IMMP2L: variants seen among roughly 807,000 people sequenced by gnomAD.
IMMP2L encodes inner mitochondrial membrane peptidase subunit 2, also known as mitochondrial inner membrane protease subunit 2.
A neutral mutation model predicts 19.3 loss-of-function variants in IMMP2L; 18 were observed. The observed-to-expected ratio is 0.93, with a 90% CI of 0.64 to 1.38. The LOEUF is 1.38. Among genes scored for constraint, IMMP2L ranks in the 40% most tolerant of loss-of-function variants. The pLI is 0.00. For missense variants in IMMP2L, 233 were observed against 218.2 expected, an observed-to-expected ratio of 1.07 and a Z score of -0.43; for synonymous variants, 76 against 73.0, an observed-to-expected ratio of 1.04 and a Z score of -0.21.
chr7:111,480,597 CAAAAA>C (rs925037556), intron 3 of IMMP2L, among the ~76,000 whole-genome samples: 3 of 55,060 alleles, frequency 5.4e-5, no homozygotes, highest in African/African-American at 9.9e-5. Flanking sequence ...ATTTTACTGT[CAAAAA>C]AAAAAAAAAA....
chr7:111,082,457 A>G (rs1795963260), intron 3 of IMMP2L, among the ~76,000 whole-genome samples: 2 of 152,208 alleles, frequency 1.3e-5, no homozygotes, highest in African/African-American at 4.8e-5. Flanking sequence ...ATTTTCAAGC[A>G]TTTTTTGTTC....
chr7:111,161,271 G>A (rs1010291386), intron 3 of IMMP2L, among the ~76,000 whole-genome samples: 1 of 151,792 alleles, frequency 6.6e-6, no homozygotes, highest in Middle Eastern at 3.4e-3. Flanking sequence ...CGACAAAACA[G>A]AAAATGACAA....
intron 5 of IMMP2L, among the ~76,000 whole-genome samples, chr7:110,846,570 T>G (rs1286379403): frequency 6.6e-6 from 1 of 151,976 alleles, no homozygotes; most frequent in East Asian, 1.9e-4. Context: ...TTTACCTTGT[T>G]GGTCAGGCTG....
intron 3 of IMMP2L, among the ~76,000 whole-genome samples, chr7:111,182,853 C>CT (rs891555163): frequency 6.6e-6 from 1 of 151,924 alleles, no homozygotes; most frequent in African/African-American, 2.4e-5. Context: ...CTCTCAAGTG[C>CT]TTATGTAAAT....
At chr7:111,324,347 T>G (rs1420074521) in intron 3 of IMMP2L, among the ~76,000 whole-genome samples, 9 of 151,814 alleles carry the variant, frequency 5.9e-5, no homozygotes, top group East Asian at 5.8e-4. Context: ...TATATGCAAA[T>G]AAATCTGAAA....
intron 3 of IMMP2L, among the ~76,000 whole-genome samples, chr7:111,166,259 CATAG>C (rs1314376176): frequency 2.0e-5 from 3 of 151,972 alleles, no homozygotes; most frequent in Admixed American, 6.6e-5. Flanking sequence ...ATAGTCTCTA[CATAG>C]ATTTAAATTC....
chr7:111,230,358 C>T (rs1813582065), intron 3 of IMMP2L, among the ~76,000 whole-genome samples: 1 of 152,060 alleles, frequency 6.6e-6, no homozygotes, highest in Non-Finnish European at 1.5e-5. Flanking sequence ...GTCTTCCATA[C>T]TTTAGATCAC....
At chr7:110,667,010 T>G (rs1791508103) in intron 5 of IMMP2L, among the ~76,000 whole-genome samples, 1 of 152,166 alleles carries the variant, frequency 6.6e-6, no homozygotes, top group African/African-American at 2.4e-5. Flanking sequence ...TAGCTGGGAC[T>G]ACGGGCACCA....
intron 3 of IMMP2L, among the ~76,000 whole-genome samples, chr7:111,052,292 G>T (rs1016754603): frequency 6.6e-6 from 1 of 152,066 alleles, no homozygotes; most frequent in Non-Finnish European, 1.5e-5. Context: ...ACCTTTTAAG[G>T]TCTGATAAGA....
intron 5 of IMMP2L, among the ~76,000 whole-genome samples, chr7:110,847,729 T>C (rs923841623): frequency 3.3e-5 from 5 of 152,086 alleles, no homozygotes; most frequent in African/African-American, 1.2e-4. Flanking sequence ...CAGAACAAAC[T>C]AGTGAGCCCA....
chr7:111,178,915 C>G (rs1038388437), intron 3 of IMMP2L, among the ~76,000 whole-genome samples: 6 of 152,032 alleles, frequency 3.9e-5, no homozygotes, highest in African/African-American at 1.4e-4. Flanking sequence ...GATCTGTTCT[C>G]ATGCATCACA....
chr7:111,016,520 T>C (rs1825579363), intron 3 of IMMP2L, among the ~76,000 whole-genome samples: 1 of 118,256 alleles, frequency 8.5e-6, no homozygotes, highest in Non-Finnish European at 1.6e-5. Flanking sequence ...TTTTATATTA[T>C]ATATGTATAT....
At chr7:111,037,829 T>C (rs1250483714) in intron 3 of IMMP2L, among the ~76,000 whole-genome samples, 1 of 152,182 alleles carries the variant, frequency 6.6e-6, no homozygotes, top group African/African-American at 2.4e-5. Context: ...GGAGAAACTA[T>C]GTGCAGAAAA....
intron 5 of IMMP2L, among the ~76,000 whole-genome samples, chr7:110,678,398 AC>A (rs753735529): frequency 2.6e-5 from 4 of 152,162 alleles, no homozygotes; most frequent in Admixed American, 6.5e-5. Flanking sequence ...TGAATTGTGT[AC>A]TATAAGTTTC....
In IMMP2L at chr7:111,152,107, G is replaced by A. The variant is rs1479666400; in HGVS notation, c.240-188542C>T. ...GTTAGGGATTTGCTTTAAAATAATC[G>A]TGGAAGGGAGAAAATCGGTGAGGTT... On this transcript the variant is annotated intron_variant, in intron 3 of 5. Transcript: ENST00000405709. Among the ~76,000 whole-genome samples, 5 of 152,224 alleles carry A rather than the reference G, an allele frequency of 3.3e-5. No homozygotes were observed. In the East Asian group the frequency reaches 5.8e-4, roughly 18 times the overall value.
rs143811819 is a variant in IMMP2L, at chr7:110,880,530, A to C, written c.408+6063T>G. 4.9e-3 allele frequency among the ~76,000 whole-genome samples: 752 copies of C among 152,242 alleles called. 8 individuals carry two copies. Among genetic ancestry groups the C allele is most frequent in the African/African-American group, 0.017 (716 of 41,582 alleles). ...TTATAAGTATATATCCATGTAAATG[A>C]GGCAATTTAATCTCAAACTTTGAAT... is the stretch of plus-strand genomic sequence containing the variant. On this transcript the variant is annotated intron_variant, in intron 5 of 5. Transcript: ENST00000405709.
At chr7:110,822,737 G>A (rs951193282) in intron 5 of IMMP2L, among the ~76,000 whole-genome samples, 1 of 152,094 alleles carries the variant, frequency 6.6e-6, no homozygotes, top group Non-Finnish European at 1.5e-5. Flanking sequence ...AAGGTTAGAA[G>A]TCTATAATTC....
chr7:111,550,198 G>A (rs902206029), intron 1 of IMMP2L, among the ~76,000 whole-genome samples: 1 of 151,782 alleles, frequency 6.6e-6, no homozygotes, highest in Non-Finnish European at 1.5e-5. Context: ...TAAAAATAAA[G>A]GCCAAAAAGG....
intron 5 of IMMP2L, among the ~76,000 whole-genome samples, chr7:110,788,820 T>C (rs553023684): frequency 5.9e-4 from 89 of 151,962 alleles, no homozygotes; most frequent in Non-Finnish European, 5.0e-4. Context: ...GACCTTGACA[T>C]GTCTCCCATC....
Sources: gnomAD v4.1 joint callset for allele counts (sites outside exome capture counted in the v4.1 genomes callset) on GRCh38, gnomAD v4.1.1 for gene constraint, MANE v1.5 for transcripts, NCBI Gene and HGNC (gene_info 2026-07-23, HGNC 2026-07-21) for gene names.